Variants in AGMO observed in about 807,000 individuals in gnomAD.
The protein encoded by AGMO is alkylglycerol monooxygenase.
In AGMO, 75 loss-of-function variants were observed where a neutral mutation model predicts 60.2. That is an observed-to-expected ratio of 1.25 (90% CI 1.03 to 1.51). The LOEUF is 1.51. Ranked by LOEUF, AGMO falls within the 40% of genes most tolerant of loss-of-function variation. The probability of loss-of-function intolerance (pLI) is 0.00; values close to 1 mark genes in which losing one functional copy is unlikely to be tolerated. For missense variants in AGMO, 763 were observed against 525.5 expected (o/e 1.45, Z -4.42); for synonymous variants, 261 against 177.1 (o/e 1.47, Z -3.76).
intron 2 of AGMO, among the ~76,000 whole-genome samples, chr7:15,554,310 G>A (rs569032838): frequency 1.3e-4 from 20 of 151,978 alleles, no homozygotes; most frequent in African/African-American, 3.6e-4. Flanking sequence ...AAATATGTAC[G>A]TATATAGTAA....
chr7:15,511,325 G>A (rs1463397171), intron 3 of AGMO, among the ~76,000 whole-genome samples: 1 of 152,138 alleles, frequency 6.6e-6, no homozygotes, highest in Non-Finnish European at 1.5e-5. Context: ...CCACACTGAT[G>A]TGGGAAAAAC....
intron 4 of AGMO, among the ~76,000 whole-genome samples, chr7:15,429,864 G>T (rs960137121): frequency 7.2e-5 from 11 of 151,998 alleles, no homozygotes; most frequent in African/African-American, 2.4e-4. Context: ...CCCTGAGAAT[G>T]ATAATACTTG....
At chr7:15,354,327 T>TACGCGTGTATACAC (rs1563104797) in intron 12 of AGMO, among the ~76,000 whole-genome samples, 1,609 of 32,226 alleles carry the variant, frequency 0.05, 233 homozygotes, top group Admixed American at 0.062. Context: ...TGTATATACG[T>TACGCGTGTATACAC]ACGCGTGTAT....
At chr7:15,235,572 G>C (rs957178076) in intron 12 of AGMO, among the ~76,000 whole-genome samples, 1 of 152,080 alleles carries the variant, frequency 6.6e-6, no homozygotes, top group Admixed American at 6.6e-5. Context: ...TGTTTGTATA[G>C]TTATGATCAG....
intron 3 of AGMO, among the ~76,000 whole-genome samples, chr7:15,463,242 A>G (rs763): frequency 0.19 from 28,163 of 152,062 alleles, 3,701 homozygotes; most frequent in East Asian, 0.62. Flanking sequence ...CTTGCTTGTC[A>G]TAAGTAGAGG....
At chr7:15,318,439 T>C (rs1409465288) in intron 12 of AGMO, among the ~76,000 whole-genome samples, 1 of 152,196 alleles carries the variant, frequency 6.6e-6, no homozygotes, top group Admixed American at 6.5e-5. Flanking sequence ...AATGGCATTA[T>C]TTAAATGGAT....
intron 3 of AGMO, among the ~76,000 whole-genome samples, chr7:15,544,316 G>A (rs1224068551): frequency 6.6e-6 from 1 of 152,054 alleles, no homozygotes; most frequent in Admixed American, 6.6e-5. Context: ...AATCAAAACT[G>A]AAGAACTTAT....
intron 10 of AGMO, among the ~76,000 whole-genome samples, chr7:15,378,233 A>C (rs945811589): frequency 2.5e-4 from 38 of 152,158 alleles, no homozygotes; most frequent in African/African-American, 8.9e-4. Flanking sequence ...CAGACAGCAC[A>C]TACAAACTTA....
At chr7:15,224,270 T>G (rs1198643111) in intron 12 of AGMO, among the ~76,000 whole-genome samples, 1 of 152,080 alleles carries the variant, frequency 6.6e-6, no homozygotes, top group Non-Finnish European at 1.5e-5. Flanking sequence ...AATGAATATT[T>G]GTGTCCACCC....
At chr7:15,354,510 A>C (rs866683149) in intron 12 of AGMO, among the ~76,000 whole-genome samples, 3 of 77,286 alleles carry the variant, frequency 3.9e-5, no homozygotes, top group Non-Finnish European at 7.6e-5. Flanking sequence ...ATATATATAT[A>C]TATATATATA....
the AGMO span, among the ~76,000 whole-genome samples, chr7:15,163,639 T>G: frequency 1.9e-3 from 285 of 152,266 alleles, no homozygotes; most frequent in African/African-American, 6.6e-3. Flanking sequence ...TTTGCGTATG[T>G]TGAACTACCC....
intron 12 of AGMO, among the ~76,000 whole-genome samples, chr7:15,269,555 G>A (rs1179717806): frequency 6.6e-6 from 1 of 151,978 alleles, no homozygotes; most frequent in East Asian, 1.9e-4. Flanking sequence ...AGTTATTGAG[G>A]GTAATAAGGT....
intron 3 of AGMO, among the ~76,000 whole-genome samples, chr7:15,495,719 A>C (rs1210384636): frequency 6.6e-6 from 1 of 152,084 alleles, no homozygotes; most frequent in African/African-American, 2.4e-5. Flanking sequence ...AGGTTCTAGC[A>C]GATTTGGTTG....
At chr7:15,123,696 C>A in the AGMO span, among the ~76,000 whole-genome samples, 17 of 151,914 alleles carry the variant, frequency 1.1e-4, no homozygotes, top group Non-Finnish European at 2.1e-4. Context: ...AAATCATAAA[C>A]TAAGTTTGAG....
At chr7:15,304,639 A>G (rs1780556723) in intron 12 of AGMO, among the ~76,000 whole-genome samples, 2 of 151,608 alleles carry the variant, frequency 1.3e-5, no homozygotes, top group African/African-American at 4.9e-5. Flanking sequence ...TCTGTTTCAA[A>G]AGTCCCTGAT....
intron 3 of AGMO, among the ~76,000 whole-genome samples, chr7:15,485,364 A>T (rs1782888464): frequency 6.6e-6 from 1 of 152,018 alleles, no homozygotes; most frequent in Non-Finnish European, 1.5e-5. Context: ...TAAGTAGGAA[A>T]AATTGAGAAG....
At chr7:15,360,689 CACTT>C (rs1479886930) in intron 12 of AGMO, among the ~76,000 whole-genome samples, 2 of 151,616 alleles carry the variant, frequency 1.3e-5, no homozygotes. Flanking sequence ...GAGACAGGCA[CACTT>C]AGTGTAATAT....
At chr7:15,550,234 C>A (rs1179738850) in intron 2 of AGMO, among the ~76,000 whole-genome samples, 10 of 150,680 alleles carry the variant, frequency 6.6e-5, no homozygotes, top group African/African-American at 2.4e-4. Flanking sequence ...AAAATTGACA[C>A]CCTAACATCA....
intron 12 of AGMO, among the ~76,000 whole-genome samples, chr7:15,341,494 G>T (rs143632956): frequency 1.3e-5 from 2 of 152,068 alleles, no homozygotes; most frequent in Non-Finnish European, 2.9e-5. Flanking sequence ...TCAGCATTTT[G>T]GTCAAGGACA....
Sources: gnomAD v4.1 joint callset for allele counts (sites outside exome capture counted in the v4.1 genomes callset) on GRCh38, gnomAD v4.1.1 for gene constraint, MANE v1.5 for transcripts, NCBI Gene and HGNC (gene_info 2026-07-23, HGNC 2026-07-21) for gene names.